The following KIF26B variants were observed in gnomAD, a reference collection of about 807,000 sequenced individuals.
The protein encoded by KIF26B is kinesin-like protein KIF26B.
Under a neutral mutation model 151.2 loss-of-function variants are expected in KIF26B, and 63 were observed. The ratio of observed to expected loss-of-function variants is 0.42; its 90% CI spans 0.34 to 0.51. KIF26B has a LOEUF of 0.51. Among genes scored for constraint, KIF26B ranks in the 20% least tolerant of loss-of-function variants. The pLI, the probability that KIF26B is intolerant of heterozygous loss-of-function variation, is 0.07. For missense variants in KIF26B, 2,813 were observed against 2,913.6 expected (o/e 0.97, Z 0.79); for synonymous variants, 1,357 against 1,262.1 (o/e 1.08, Z -1.59).
chr1:245,525,012 T>A (rs1476122249), intron 4 of KIF26B, among the ~76,000 whole-genome samples: 1 of 152,132 alleles, frequency 6.6e-6, no homozygotes, highest in Non-Finnish European at 1.5e-5. Context: ...TCCTTTGTAA[T>A]CTTCTCTTTT....
intron 6 of KIF26B, among the ~76,000 whole-genome samples, chr1:245,607,184 C>A (rs913787668): frequency 5.9e-5 from 9 of 151,878 alleles, no homozygotes; most frequent in Non-Finnish European, 1.2e-4. Flanking sequence ...TACGGTGTTT[C>A]TCAAGGTCTC....
chr1:245,500,620 AG>A (rs1396116713), intron 4 of KIF26B, among the ~76,000 whole-genome samples: 1 of 152,202 alleles, frequency 6.6e-6, no homozygotes, highest in East Asian at 1.9e-4. Flanking sequence ...AAACTGACTG[AG>A]GGTTCCTTCC....
intron 10 of KIF26B, chr1:245,673,759 G>C (rs931943551): frequency 2.0e-5 from 3 of 152,216 alleles, no homozygotes; most frequent in Non-Finnish European, 4.4e-5. Context: ...TATCACGAAG[G>C]AGACACAGGA....
In KIF26B at chr1:245,702,183, ATG is replaced by A. The variant is rs2044781819; in HGVS notation, c.6179-274_6179-273del. Among the ~76,000 whole-genome samples, 4 of 152,286 alleles carry A rather than the reference ATG, an allele frequency of 2.6e-5. No individual in the cohort carries two copies. The highest frequency in any genetic ancestry group is 2.0e-4 in the Admixed American group (3 of 15,298). On this transcript the variant is annotated intron_variant, in intron 14 of 14. Transcript: ENST00000407071. The surrounding 1 kb of genome is among the most constrained non-coding windows in gnomAD (Gnocchi z 4.1). ...TCCTGGGATCCATCCTGGATCCTCC[ATG>A]GCTGGAGGTAGGGGGAGCTAGAATG... is the stretch of plus-strand genomic sequence containing the variant.
chr1:245,669,961 G>A (rs934537027), intron 10 of KIF26B, among the ~76,000 whole-genome samples: 5 of 152,038 alleles, frequency 3.3e-5, no homozygotes, highest in African/African-American at 4.8e-5. Flanking sequence ...GCAGAGTGGA[G>A]GAATGGACAT....
intron 2 of KIF26B, among the ~76,000 whole-genome samples, chr1:245,175,131 T>C (rs1668780718): frequency 3.3e-5 from 5 of 152,176 alleles, no homozygotes; most frequent in Admixed American, 2.6e-4. Flanking sequence ...GGCTTTTGTC[T>C]TTAGCAAGGC....
Position 245,704,796 on chromosome 1 carries a change from G to A in KIF26B, c.*2190G>A, listed in dbSNP as rs2044819336. On this transcript the variant is annotated 3_prime_UTR_variant, in exon 15 of 15. Transcript: ENST00000407071. ...ATCCTTGGAGGCTTCTGGACCCAAA[G>A]GGAAGCCAATCCTTCGAGTTTGCCA... 1 of 152,240 alleles carries A rather than the reference G, an allele frequency of 6.6e-6. No homozygotes were observed. The highest frequency in any genetic ancestry group is 2.4e-5 in the African/African-American group (1 of 41,462). 9.4% of individuals were successfully genotyped at this position (152,240 alleles called of 1,614,324 possible).
At chr1:245,198,382 T>C (rs1669228555) in intron 2 of KIF26B, among the ~76,000 whole-genome samples, 1 of 152,170 alleles carries the variant, frequency 6.6e-6, no homozygotes, top group Non-Finnish European at 1.5e-5. Context: ...AATATAGGGA[T>C]TAAAATAAAT....
rs530805788 is a variant in KIF26B at position 245,702,148 on chromosome 1, G to A, written c.6179-310G>A. 9.2e-5 allele frequency among the ~76,000 whole-genome samples: 14 copies of A among 152,178 alleles called. No homozygotes were observed. The highest frequency in any genetic ancestry group is 3.9e-4 in the East Asian group (2 of 5,164). On this transcript the variant is annotated intron_variant, in intron 14 of 14. Coordinates refer to ENST00000407071, the MANE Select transcript of KIF26B (RefSeq NM_018012.4). This position sits in a 1 kb window ranked among gnomAD's most constrained non-coding sequence, Gnocchi z 4.1. ...GATTGATAGTGAATAGTGTGGTAGC[G>A]TCTCTCAAATCCTGGGATCCATCCT...
chr1:245,599,343 G>A (rs1385292344), intron 5 of KIF26B, among the ~76,000 whole-genome samples: 2 of 152,174 alleles, frequency 1.3e-5, no homozygotes, highest in African/African-American at 2.4e-5. Flanking sequence ...CCCCCAGCTC[G>A]GAGCTCAGTG....
rs112671650 is a variant in KIF26B at position 245,596,656 on chromosome 1, C to G, written c.1351-5921C>G. Reference sequence around the variant, plus strand: ...GTTCTGTAGATGTCTTTTAGGTTCACTCAGTCCTGAGCTGAGTTCAAGCCC... The same window carrying G: ...GTTCTGTAGATGTCTTTTAGGTTCAGTCAGTCCTGAGCTGAGTTCAAGCCC... On this transcript the variant is annotated intron_variant, in intron 5 of 14. Coordinates refer to ENST00000407071, the MANE Select transcript of KIF26B (RefSeq NM_018012.4). 6.2e-4 allele frequency among the ~76,000 whole-genome samples: 95 copies of G among 152,320 alleles called. 3 individuals are homozygous for G. Among genetic ancestry groups the G allele is most frequent in the African/African-American group, 1.7e-3 (69 of 41,568 alleles).
intron 2 of KIF26B, among the ~76,000 whole-genome samples, chr1:245,248,624 G>A (rs1024579151): frequency 1.1e-4 from 17 of 152,216 alleles, no homozygotes; most frequent in African/African-American, 3.6e-4. Flanking sequence ...GCTCTTCACA[G>A]CAGGCTCCGA....
Position 245,688,238 on chromosome 1 carries a change from C to T in KIF26B, c.5255C>T (p.Thr1752Ile), listed in dbSNP as rs775889441. The T allele has an allele frequency of 1.3e-6, 2 of 1,590,158 alleles. No individual in the cohort carries two copies. Among genetic ancestry groups the T allele is most frequent in the East Asian group, 2.2e-5 (1 of 44,506 alleles). ...AGAGCGCGCGGCCCGTCCGCCTCCA[C>T]CACCAAAACCCTCAGCTTCTCCACC... The part of the protein sequence containing the change: ...SPRARGPSAS[T>I]TKTLSFSTKS... Residue 1752 changes from threonine (T) to isoleucine (I), a missense_variant, in exon 12 of 15, where the codon ACC becomes ATC. Physicochemically the swap from Thr to Ile is moderately conservative, Grantham distance 89 (BLOSUM62 -1). This residue lies in a region of KIF26B where 2,060 missense variants were observed against 2,088.6 expected (regional missense o/e 0.99). Coordinates refer to ENST00000407071, the MANE Select transcript of KIF26B (RefSeq NM_018012.4).
At chr1:245,292,479 G>A (rs537873258) in intron 2 of KIF26B, among the ~76,000 whole-genome samples, 7 of 152,272 alleles carry the variant, frequency 4.6e-5, no homozygotes, top group East Asian at 1.9e-4. Context: ...GATGGTGCAC[G>A]GCTCCTTTTC....
intron 4 of KIF26B, among the ~76,000 whole-genome samples, chr1:245,433,466 C>CAA (rs111335967): frequency 0.078 from 8,782 of 112,012 alleles, 268 homozygotes; most frequent in South Asian, 0.12. Flanking sequence ...GACTCTGTCT[C>CAA]AAAAAAAAAA....
chr1:245,668,167 T>G (rs1346183916), intron 10 of KIF26B, among the ~76,000 whole-genome samples: 2 of 151,970 alleles, frequency 1.3e-5, no homozygotes, highest in Non-Finnish European at 2.9e-5. Context: ...AAGTGCTGGG[T>G]TTACAGATGT....
At chr1:245,253,903 G>A (rs1043447775) in intron 2 of KIF26B, among the ~76,000 whole-genome samples, 3 of 143,486 alleles carry the variant, frequency 2.1e-5, no homozygotes, top group African/African-American at 5.1e-5. Flanking sequence ...TCCACCTCCC[G>A]GGTTCACGCC....
At chr1:245,287,496 C>CT (rs1671185031) in intron 2 of KIF26B, among the ~76,000 whole-genome samples, 1 of 115,914 alleles carries the variant, frequency 8.6e-6, no homozygotes, top group Admixed American at 1.1e-4. Flanking sequence ...ATCTCTCTCT[C>CT]TCTTTTTTTT....
At chr1:245,626,021 T>C (rs897008181) in intron 9 of KIF26B, among the ~76,000 whole-genome samples, 3 of 152,180 alleles carry the variant, frequency 2.0e-5, no homozygotes, top group Admixed American at 2.0e-4. Flanking sequence ...ATTGTGTATA[T>C]AGAGCACATT....
Sources: allele counts gnomAD v4.1 joint callset (sites outside exome capture counted in the v4.1 genomes callset), GRCh38; gene constraint gnomAD v4.1.1; regional missense constraint gnomAD v4.1.1; non-coding constraint Gnocchi (gnomAD v3.1); transcripts MANE v1.5; gene names NCBI Gene and HGNC (gene_info 2026-07-23, HGNC 2026-07-21).